PRKD1: variants seen among roughly 807,000 people sequenced by gnomAD.
The protein encoded by PRKD1 is protein kinase D1, also known as serine/threonine-protein kinase D1.
Under a neutral mutation model 95.9 loss-of-function variants are expected in PRKD1, and 63 were observed. The ratio of observed to expected loss-of-function variants is 0.66; its 90% CI spans 0.54 to 0.81. PRKD1 has a LOEUF of 0.81. Ranked by LOEUF, PRKD1 falls within the 30% of genes least tolerant of loss-of-function variation. The pLI is 0.00. For synonymous variants in PRKD1, 425 were observed against 423.1 expected (o/e 1.00, Z -0.05); for missense variants, 1,048 against 1,165.3 (o/e 0.90, Z 1.47).
chr14:29,625,352 A>AC lies in PRKD1; in HGVS notation c.1799-1095dup, dbSNP rs45579640. ...CTCTCTTCTGAGACTCTTCTCATCT[A>AC]CTTTACTCCATTTGTGTCTAATCTT... On this transcript the variant is annotated intron_variant, in intron 12 of 17. Coordinates refer to ENST00000331968, the MANE Select transcript of PRKD1 (RefSeq NM_002742.3). Among the ~76,000 whole-genome samples, 331 of 152,082 alleles carry AC rather than the reference A, an allele frequency of 2.2e-3. 1 individual carries two copies. Among genetic ancestry groups the AC allele is most frequent in the African/African-American group, 7.5e-3 (311 of 41,476 alleles).
chr14:29,731,449 G>A (rs1886429963), intron 1 of PRKD1, among the ~76,000 whole-genome samples: 1 of 152,256 alleles, frequency 6.6e-6, no homozygotes, highest in East Asian at 1.9e-4. Context: ...ATATCCGTTA[G>A]ATTAAGTTGA....
At chr14:29,720,827 G>T (rs1307492890) in intron 2 of PRKD1, among the ~76,000 whole-genome samples, 2 of 151,884 alleles carry the variant, frequency 1.3e-5, no homozygotes, top group Non-Finnish European at 2.9e-5. Flanking sequence ...AAGCCCAAAG[G>T]TTTTGCAACT....
chr14:29,773,392 A>G (rs957990014), intron 1 of PRKD1, among the ~76,000 whole-genome samples: 5 of 150,056 alleles, frequency 3.3e-5, no homozygotes, highest in African/African-American at 1.2e-4. Flanking sequence ...CTTGGGAGGT[A>G]GAGGTTGCAG....
intron 1 of PRKD1, among the ~76,000 whole-genome samples, chr14:29,760,877 T>A (rs1887946139): frequency 6.6e-6 from 1 of 152,200 alleles, no homozygotes; most frequent in African/African-American, 2.4e-5. Flanking sequence ...AAGTTTATCC[T>A]AATAGAATTG....
chr14:29,811,381 G>A (rs1192530458), intron 1 of PRKD1, among the ~76,000 whole-genome samples: 4 of 152,134 alleles, frequency 2.6e-5, no homozygotes, highest in Non-Finnish European at 5.9e-5. Flanking sequence ...CACCACCTAG[G>A]AGAGGTGAGC....
At chr14:29,727,926 C>T (rs1010761040) in intron 1 of PRKD1, among the ~76,000 whole-genome samples, 11 of 151,386 alleles carry the variant, frequency 7.3e-5, no homozygotes, top group East Asian at 2.0e-4. Flanking sequence ...AACCAAACAC[C>T]GCATATTCTC....
chr14:29,587,853 GA>G (rs999083689), intron 16 of PRKD1, among the ~76,000 whole-genome samples: 38 of 152,162 alleles, frequency 2.5e-4, no homozygotes, highest in African/African-American at 8.4e-4. Flanking sequence ...ATTAATTCCA[GA>G]ATCTTAAGTT....
At chr14:29,635,887 A>G (rs1018001897) in intron 7 of PRKD1, among the ~76,000 whole-genome samples, 5 of 152,222 alleles carry the variant, frequency 3.3e-5, no homozygotes, top group Non-Finnish European at 7.3e-5. Context: ...AGTGAAGTGT[A>G]CACAGACTAT....
At chr14:29,643,676 T>C (rs1880945396) in intron 4 of PRKD1, among the ~76,000 whole-genome samples, 1 of 152,236 alleles carries the variant, frequency 6.6e-6, no homozygotes, top group Admixed American at 6.5e-5. Context: ...ACAAGGTATA[T>C]TCCACTTAGC....
At chr14:29,767,310 T>A (rs978171315) in intron 1 of PRKD1, among the ~76,000 whole-genome samples, 3 of 152,148 alleles carry the variant, frequency 2.0e-5, no homozygotes, top group African/African-American at 4.8e-5. Context: ...TGTATCCAGC[T>A]TGAAAAATCT....
At chr14:29,808,185 A>G (rs1890319223) in intron 1 of PRKD1, among the ~76,000 whole-genome samples, 1 of 152,028 alleles carries the variant, frequency 6.6e-6, no homozygotes, top group African/African-American at 2.4e-5. Flanking sequence ...TGCTTTATCA[A>G]CTAAGTTTAT....
chr14:29,633,391 C>T (rs959211973), intron 8 of PRKD1, among the ~76,000 whole-genome samples: 2 of 152,140 alleles, frequency 1.3e-5, no homozygotes, highest in African/African-American at 4.8e-5. Context: ...TTCTTGCTTC[C>T]ATTGGCAATG....
At chr14:29,832,397 T>C (rs181182593) in intron 1 of PRKD1, among the ~76,000 whole-genome samples, 42 of 152,336 alleles carry the variant, frequency 2.8e-4, no homozygotes, top group Admixed American at 2.3e-3. Flanking sequence ...CATTGACATG[T>C]TTGCATTTCT....
chr14:29,613,525 A>G (rs976291883), intron 13 of PRKD1, among the ~76,000 whole-genome samples: 3 of 152,200 alleles, frequency 2.0e-5, no homozygotes, highest in Non-Finnish European at 4.4e-5. Flanking sequence ...TTGTGGCTAC[A>G]TATTTCATTC....
intron 2 of PRKD1, among the ~76,000 whole-genome samples, chr14:29,688,993 C>A (rs1250891748): frequency 5.4e-5 from 8 of 149,038 alleles, no homozygotes; most frequent in African/African-American, 1.7e-4. Context: ...AAAAGAAAAC[C>A]CGAAAGTATA....
At chr14:29,629,767 A>G (rs1879860774) in intron 10 of PRKD1, among the ~76,000 whole-genome samples, 2 of 152,276 alleles carry the variant, frequency 1.3e-5, no homozygotes, top group South Asian at 4.1e-4. Context: ...TAATGAACAG[A>G]GAATTCTTCC....
intron 13 of PRKD1, among the ~76,000 whole-genome samples, chr14:29,618,946 C>G (rs564806410): frequency 1.2e-4 from 19 of 152,282 alleles, no homozygotes; most frequent in African/African-American, 4.6e-4. Flanking sequence ...ATTGGCATTT[C>G]AACCCACATG....
At chr14:29,762,072 G>C (rs12892543) in intron 1 of PRKD1, among the ~76,000 whole-genome samples, 26,581 of 152,046 alleles carry the variant, frequency 0.17, 2,487 homozygotes, top group South Asian at 0.23. Flanking sequence ...CACTGCACCT[G>C]GCTCTTAACA....
At chr14:29,620,422 T>C (rs1879168416) in intron 13 of PRKD1, among the ~76,000 whole-genome samples, 3 of 149,338 alleles carry the variant, frequency 2.0e-5, no homozygotes, top group African/African-American at 7.4e-5. Flanking sequence ...TCGCAACCTA[T>C]TCATCTGACA....
Sources: allele counts gnomAD v4.1 joint callset (sites outside exome capture counted in the v4.1 genomes callset), GRCh38; gene constraint gnomAD v4.1.1; transcripts MANE v1.5; gene names NCBI Gene and HGNC (gene_info 2026-07-23, HGNC 2026-07-21).